The following HIPK2 variants were observed in gnomAD, a reference collection of about 807,000 sequenced individuals.
HIPK2 encodes homeodomain-interacting protein kinase 2.
HIPK2 carries 27 observed loss-of-function variants against 113.7 expected under a neutral mutation model. That is an observed-to-expected ratio of 0.24 (90% CI 0.17 to 0.33). The LOEUF (loss-of-function observed/expected upper bound fraction) is 0.33. HIPK2 is among the 10% of genes least tolerant of loss of function. The pLI is 1.00. For synonymous variants in HIPK2, 631 were observed against 642.2 expected (o/e 0.98, Z 0.26); for missense variants, 1,257 against 1,588.0 (o/e 0.79, Z 3.54).
At chr7:139,734,791 T>C (rs1230914050) in intron 1 of HIPK2, among the ~76,000 whole-genome samples, 1 of 152,206 alleles carries the variant, frequency 6.6e-6, no homozygotes. Context: ...TATGGTGTTT[T>C]AGATTGTGAT....
chr7:139,715,603 C>T lies in HIPK2; in HGVS notation c.1103+329G>A, dbSNP rs1585412348. Among the ~76,000 whole-genome samples the T allele has an allele frequency of 2.0e-5, 3 of 152,316 alleles. No homozygotes were observed. In the South Asian group the frequency reaches 6.2e-4, roughly 32 times the overall value. On this transcript the variant is annotated intron_variant, in intron 2 of 14. Coordinates refer to ENST00000406875, the MANE Select transcript of HIPK2 (RefSeq NM_022740.5). Reference sequence around the variant, plus strand: ...AAATTCCCACTAGTGTGACTGCGGACTGTGGATGGCACATCCCTCTCTCTC... The same window carrying T: ...AAATTCCCACTAGTGTGACTGCGGATTGTGGATGGCACATCCCTCTCTCTC...
chr7:139,728,005 T>A (rs577453600), intron 1 of HIPK2, among the ~76,000 whole-genome samples: 36 of 145,500 alleles, frequency 2.5e-4, no homozygotes, highest in African/African-American at 7.5e-4. Context: ...AGTGGTGCAA[T>A]CATAGCTCAT....
At chr7:139,729,343 G>C (rs1488586132) in intron 1 of HIPK2, among the ~76,000 whole-genome samples, 1 of 130,234 alleles carries the variant, frequency 7.7e-6, no homozygotes, top group Non-Finnish European at 1.6e-5. Flanking sequence ...GAGAGAGAGA[G>C]AGAGAGAGAG....
intron 2 of HIPK2, among the ~76,000 whole-genome samples, chr7:139,663,066 T>C (rs1300311051): frequency 1.3e-5 from 2 of 152,170 alleles, no homozygotes; most frequent in South Asian, 4.1e-4. Context: ...GGCCAGCTCC[T>C]TTCTGTCCAT....
intron 2 of HIPK2, among the ~76,000 whole-genome samples, chr7:139,651,339 A>G (rs1432525604): frequency 6.6e-6 from 1 of 152,202 alleles, no homozygotes; most frequent in Non-Finnish European, 1.5e-5. Context: ...ACAGAGACAG[A>G]CACTCTTTGG....
At chr7:139,646,225 G>C (rs550357516) in intron 2 of HIPK2, among the ~76,000 whole-genome samples, 1 of 152,290 alleles carries the variant, frequency 6.6e-6, no homozygotes, top group African/African-American at 2.4e-5. Context: ...GGCTGGTGCG[G>C]TGGCTCACCC....
chr7:139,644,425 G>A (rs1287465489), intron 2 of HIPK2, among the ~76,000 whole-genome samples: 2 of 152,186 alleles, frequency 1.3e-5, no homozygotes, highest in Admixed American at 6.5e-5. Flanking sequence ...GGTGCACATC[G>A]GTGTGGCAGC....
chr7:139,765,092 T>A (rs1012511347), intron 1 of HIPK2, among the ~76,000 whole-genome samples: 19 of 151,082 alleles, frequency 1.3e-4, no homozygotes, highest in African/African-American at 4.6e-4. Flanking sequence ...GCTGAGATCA[T>A]GCCACTACAC....
chr7:139,575,498 G>A (rs117256913), intron 13 of HIPK2, among the ~76,000 whole-genome samples: 523 of 152,338 alleles, frequency 3.4e-3, no homozygotes, highest in Non-Finnish European at 5.6e-3. Context: ...GGCTGGGAGG[G>A]TGGTCGGGGC....
At chr7:139,644,705 C>A (rs1801147673) in intron 2 of HIPK2, among the ~76,000 whole-genome samples, 1 of 152,222 alleles carries the variant, frequency 6.6e-6, no homozygotes, top group East Asian at 1.9e-4. Context: ...TAACCCAAGT[C>A]CCACTGTCAC....
chr7:139,623,994 C>T (rs1274820064), intron 6 of HIPK2, among the ~76,000 whole-genome samples: 1 of 151,804 alleles, frequency 6.6e-6, no homozygotes, highest in African/African-American at 2.4e-5. Context: ...AAGTGAGACC[C>T]TCCATTACCT....
intron 9 of HIPK2, among the ~76,000 whole-genome samples, chr7:139,607,838 A>C (rs551991554): frequency 6.6e-6 from 1 of 152,254 alleles, no homozygotes; most frequent in East Asian, 1.9e-4. Flanking sequence ...CATAATAGGA[A>C]GTCAATGGAT....
chr7:139,637,656 ACCAAGTCTATGAGGG>A (rs1352092167), intron 2 of HIPK2, among the ~76,000 whole-genome samples: 4 of 152,208 alleles, frequency 2.6e-5, no homozygotes. Context: ...GTCTTCCCTG[ACCAAGTCTATGAGGG>A]CAGCGCAGGC....
rs975320460 is a variant in HIPK2, at chr7:139,645,292, GAA to G, written c.1104-13569_1104-13568del. On this transcript the variant is annotated intron_variant, in intron 2 of 14. Transcript: ENST00000406875. ...GGCTGACAGTCTGGGATAAAAGACAGAAACTTGCTCCTTCTTTGAAAGGGAGA... is the reference window on the plus strand; with the variant it reads ...GGCTGACAGTCTGGGATAAAAGACAGACTTGCTCCTTCTTTGAAAGGGAGA... Among the ~76,000 whole-genome samples, 55 of 152,340 alleles carry G rather than the reference GAA, an allele frequency of 3.6e-4. 1 individual carries two copies. The highest frequency in any genetic ancestry group is 1.3e-3 in the African/African-American group (54 of 41,578).
intron 2 of HIPK2, among the ~76,000 whole-genome samples, chr7:139,680,787 C>T (rs1257101310): frequency 6.6e-6 from 1 of 152,098 alleles, no homozygotes; most frequent in Non-Finnish European, 1.5e-5. Context: ...CTGGTGGCTT[C>T]CCATTTGGGA....
chr7:139,638,656 C>CTTTTTTTTTTTTTTTTTTTTTTTTT (rs1184555180), intron 2 of HIPK2, among the ~76,000 whole-genome samples: 12 of 130,248 alleles, frequency 9.2e-5, no homozygotes, highest in African/African-American at 3.3e-4. Context: ...AAATAATTGT[C>CTTTTTTTTTTTTTTTTTTTTTTTTT]TTTTTTTTTT....
At position 139,571,967 on chromosome 7, in the gene HIPK2, T is replaced by A. The variant is rs545055411; in HGVS notation, c.*960A>T. On this transcript the variant is annotated 3_prime_UTR_variant, in exon 15 of 15. Coordinates refer to ENST00000406875, the MANE Select transcript of HIPK2 (RefSeq NM_022740.5). ...TATCGCTTTTTTTTGTGCAATTACATTGAGGAATATTCTATTGGTATCATT... is the reference window on the plus strand; with the variant it reads ...TATCGCTTTTTTTTGTGCAATTACAATGAGGAATATTCTATTGGTATCATT... 6.6e-6 allele frequency: 1 copy of A among 152,196 alleles called. No individual in the cohort carries two copies. Among genetic ancestry groups the A allele is most frequent in the Non-Finnish European group, 1.5e-5 (1 of 68,032 alleles). 9.4% of individuals were successfully genotyped at this position (152,196 alleles called of 1,614,324 possible).
intron 2 of HIPK2, among the ~76,000 whole-genome samples, chr7:139,656,040 C>T (rs73156879): frequency 0.028 from 4,242 of 152,212 alleles, 79 homozygotes; most frequent in Non-Finnish European, 0.042. Context: ...TTCCAAGTCC[C>T]CTTAGGGTTG....
chr7:139,766,083 T>C (rs931338364), intron 1 of HIPK2, among the ~76,000 whole-genome samples: 1 of 152,222 alleles, frequency 6.6e-6, no homozygotes, highest in African/African-American at 2.4e-5. Context: ...GAAGAGTCTC[T>C]ACTGTGCAGC....
Sources: gnomAD v4.1 joint callset for allele counts (sites outside exome capture counted in the v4.1 genomes callset) on GRCh38, gnomAD v4.1.1 for gene constraint, MANE v1.5 for transcripts, NCBI Gene and HGNC (gene_info 2026-07-23, HGNC 2026-07-21) for gene names.